CETP: variants seen among roughly 807,000 people sequenced by gnomAD.
CETP encodes the protein cholesteryl ester transfer protein, also known as BPI fold containing family F.
Under a neutral mutation model 66.5 loss-of-function variants are expected in CETP, and 56 were observed. The observed-to-expected ratio is 0.84, with a 90% CI of 0.68 to 1.05. The LOEUF is 1.05. CETP is among the 50% of genes least tolerant of loss of function. The pLI, the probability that CETP is intolerant of heterozygous loss-of-function variation, is 0.00. For missense variants in CETP, 612 were observed against 609.6 expected (o/e 1.00, Z -0.04); for synonymous variants, 251 against 245.7 (o/e 1.02, Z -0.20).
intron 9 of CETP, among the ~76,000 whole-genome samples, chr16:56,974,833 GA>G (rs2056138106): frequency 6.6e-6 from 1 of 152,170 alleles, no homozygotes; most frequent in African/African-American, 2.4e-5. Flanking sequence ...AACTCATGAG[GA>G]AACTGAGGCC....
At chr16:56,972,421 AC>A (rs1409265320) in intron 8 of CETP, among the ~76,000 whole-genome samples, 3 of 152,188 alleles carry the variant, frequency 2.0e-5, no homozygotes, top group African/African-American at 7.2e-5. Context: ...AAAGCTTTGG[AC>A]CCTCTATTAC....
chr16:56,976,915 T>A (rs528303232), intron 10 of CETP, among the ~76,000 whole-genome samples: 157 of 152,140 alleles, frequency 1.0e-3, no homozygotes, highest in Middle Eastern at 3.4e-3. Flanking sequence ...TTAATTAATT[T>A]ATTTATTTTT....
intron 14 of CETP, 123 bp downstream of exon 14, chr16:56,982,360 C>A: frequency 1.1e-6 from 1 of 921,038 alleles, no homozygotes. Flanking sequence ...ACTTAGCGGT[C>A]CTGGCCCCCT....
chr16:56,969,456 TC>T lies in CETP; in HGVS notation c.306del (p.Ile103PhefsTer12). 1 of 1,614,184 alleles carries T rather than the reference TC, an allele frequency of 6.2e-7. No individual in the cohort carries two copies. Among genetic ancestry groups the T allele is most frequent in the Non-Finnish European group, 8.5e-7 (1 of 1,180,028 alleles). Reference protein sequence around the residue: ...ELVEAKSIDVSIQNVSVVFKG... With the variant: ...ELVEAKSIDVXIQNVSVVFKG... Reference sequence around the variant, plus strand: ...GGTGGAAGCCAAGTCCATTGATGTCTCCATTCAGAACGTGTCTGTGGTCTTC... The same window carrying T: ...GGTGGAAGCCAAGTCCATTGATGTCTCATTCAGAACGTGTCTGTGGTCTTC... On this transcript the variant is annotated frameshift_variant, in exon 3 of 16. Coordinates refer to ENST00000200676, the MANE Select transcript of CETP (RefSeq NM_000078.3). LOFTEE classifies it high-confidence loss of function.
In CETP at chr16:56,983,789, G is replaced by A; in HGVS notation, c.*123G>A. 3.3e-6 allele frequency: 3 copies of A among 897,304 alleles called. No individual in the cohort carries two copies. Among genetic ancestry groups the A allele is most frequent in the Admixed American group, 1.8e-5 (1 of 55,662 alleles). The allele number at this position is 897,304 out of a possible 1,614,324, so 55.6% of individuals were successfully genotyped here. ...GTTAGGAGTACGGAGATGGAGATTG[G>A]CTCCCAACTCCTCCCTATCCTAAAG... is the stretch of plus-strand genomic sequence containing the variant. On this transcript the variant is annotated 3_prime_UTR_variant, in exon 16 of 16. Coordinates refer to ENST00000200676, the MANE Select transcript of CETP (RefSeq NM_000078.3).
intron 11 of CETP, among the ~76,000 whole-genome samples, chr16:56,980,837 G>A (rs1001623756): frequency 3.3e-5 from 5 of 152,174 alleles, no homozygotes; most frequent in African/African-American, 1.2e-4. Flanking sequence ...TAGGACAATC[G>A]CTTGAACCTG....
In CETP at chr16:56,973,486, C is replaced by T. The variant is rs1234561531; in HGVS notation, c.906C>T (p.Leu302=). The change falls in exon 9 of 16, where the codon CTC becomes CTT. Residue 302 remains leucine, a synonymous_variant. Transcript: ENST00000200676. ...CTTTCCAGGATGGCCGCCTCATGCTCAGCCTGATGGGAGACGAGTTCAAGG... is the reference window on the plus strand; with the variant it reads ...CTTTCCAGGATGGCCGCCTCATGCTTAGCCTGATGGGAGACGAGTTCAAGG... ...KVAFQDGRLM[L]SLMGDEFKAV... is the part of the protein sequence containing the mutation. 8 of 1,614,088 alleles carry T rather than the reference C, an allele frequency of 5.0e-6. No individual in the cohort carries two copies. The highest frequency in any genetic ancestry group is 1.1e-5 in the South Asian group (1 of 91,088).
intron 2 of CETP, among the ~76,000 whole-genome samples, chr16:56,966,472 G>A (rs752845553): frequency 3.9e-5 from 6 of 152,288 alleles, no homozygotes; most frequent in Non-Finnish European, 7.3e-5. Flanking sequence ...AGTGAGAGCC[G>A]GAGCCCAGCT....
intron 2 of CETP, among the ~76,000 whole-genome samples, chr16:56,967,654 C>CA (rs766914734): frequency 0.026 from 1,573 of 61,572 alleles, 28 homozygotes; most frequent in African/African-American, 0.061. Context: ...GACTCAGTCT[C>CA]AAAAAAAAAA....
At chr16:56,976,565 G>T (rs534325628) in intron 10 of CETP, among the ~76,000 whole-genome samples, 5 of 151,484 alleles carry the variant, frequency 3.3e-5, no homozygotes, top group Non-Finnish European at 7.4e-5. Context: ...TCCACCTTCC[G>T]GGTTCAAGCA....
intron 11 of CETP, among the ~76,000 whole-genome samples, chr16:56,980,089 C>T (rs746533980): frequency 1.3e-5 from 2 of 152,234 alleles, no homozygotes; most frequent in Non-Finnish European, 2.9e-5. Flanking sequence ...AACCATGCTA[C>T]AGTGTCATAG....
At chr16:56,962,654 A>G (rs2056032392) in intron 1 of CETP, among the ~76,000 whole-genome samples, 1 of 152,212 alleles carries the variant, frequency 6.6e-6, no homozygotes, top group African/African-American at 2.4e-5. Flanking sequence ...AGCCAGAATT[A>G]TAGACCCCCA....
At chr16:56,976,475 CTTT>C (rs566143469) in intron 10 of CETP, among the ~76,000 whole-genome samples, 1 of 143,672 alleles carries the variant, frequency 7.0e-6, no homozygotes. Flanking sequence ...TCTTTTCTTT[CTTT>C]TTTTTTTTTT....
chr16:56,979,842 G>A (rs74678905), intron 11 of CETP, among the ~76,000 whole-genome samples: 2,799 of 152,220 alleles, frequency 0.018, 92 homozygotes, highest in African/African-American at 0.063. Context: ...AAAGACAAGA[G>A]CGATACAATC....
At chr16:56,964,399 T>C (rs2056050441) in intron 2 of CETP, among the ~76,000 whole-genome samples, 1 of 152,190 alleles carries the variant, frequency 6.6e-6, no homozygotes, top group African/African-American at 2.4e-5. Flanking sequence ...ATGACCCTGC[T>C]TAACAAACAC....
chr16:56,976,626 C>T (rs1341333254), intron 10 of CETP, among the ~76,000 whole-genome samples: 1 of 151,948 alleles, frequency 6.6e-6, no homozygotes, highest in African/African-American at 2.4e-5. Flanking sequence ...AGCACCCAGC[C>T]CATCAGCTCT....
At chr16:56,982,615 T>G (rs12720884) in intron 14 of CETP, among the ~76,000 whole-genome samples, 2,486 of 152,352 alleles carry the variant, frequency 0.016, 78 homozygotes, top group African/African-American at 0.056. Flanking sequence ...AATGTTGAAC[T>G]TGATGATTCC....
intron 6 of CETP, 26 bp downstream of exon 6, chr16:56,971,128 T>A: frequency 6.2e-7 from 1 of 1,609,440 alleles, no homozygotes; most frequent in South Asian, 1.1e-5. Context: ...TGACTCCCTG[T>A]GGTCCAGGGC....
rs371348492 is a variant in CETP at position 56,977,528 on chromosome 16, G to A, written c.982-563G>A. ...CTCCCTGACTAGGTCAGGTCCCCTCGTGCCACAGCCTGGTGTGTCTCTCCT... is the reference window on the plus strand; with the variant it reads ...CTCCCTGACTAGGTCAGGTCCCCTCATGCCACAGCCTGGTGTGTCTCTCCT... On this transcript the variant is annotated intron_variant, in intron 10 of 15. Transcript: ENST00000200676. Among the ~76,000 whole-genome samples, 9 of 152,180 alleles carry A rather than the reference G, an allele frequency of 5.9e-5. No homozygotes were observed. The East Asian group carries it at 9.7e-4, about 16-fold the overall frequency.
Sources: gnomAD v4.1 joint callset for allele counts (sites outside exome capture counted in the v4.1 genomes callset) on GRCh38, gnomAD v4.1.1 for gene constraint, MANE v1.5 for transcripts, NCBI Gene and HGNC (gene_info 2026-07-23, HGNC 2026-07-21) for gene names.